KLHL29: variants seen among roughly 807,000 people sequenced by gnomAD.
KLHL29 encodes kelch-like protein 29.
Under a neutral mutation model 80.4 loss-of-function variants are expected in KLHL29, and 21 were observed. That is an observed-to-expected ratio of 0.26 (90% confidence interval 0.19 to 0.38). The LOEUF is 0.38. Among genes scored for constraint, KLHL29 ranks in the 10% least tolerant of loss-of-function variants. The pLI is 1.00. For missense variants in KLHL29, 867 were observed against 1,223.9 expected, an observed-to-expected ratio of 0.71 and a Z score of 4.35; for synonymous variants, 511 against 526.8, an observed-to-expected ratio of 0.97 and a Z score of 0.41.
At chr2:23,396,743 C>T (rs1666461118) in intron 1 of KLHL29, among the ~76,000 whole-genome samples, 1 of 152,170 alleles carries the variant, frequency 6.6e-6, no homozygotes, top group Non-Finnish European at 1.5e-5. Context: ...GCCGAAGCCT[C>T]GATTTGCCAA....
chr2:23,505,234 A>G (rs770854883), intron 2 of KLHL29, among the ~76,000 whole-genome samples: 16 of 152,190 alleles, frequency 1.1e-4, no homozygotes, highest in Non-Finnish European at 2.1e-4. Context: ...AGGAGATCTG[A>G]GAGCCCTGTG....
rs75966166 is a variant in KLHL29, at chr2:23,589,216, A to G, written c.285+26735A>G. Among the ~76,000 whole-genome samples, 206 of 152,396 alleles carry G rather than the reference A, an allele frequency of 1.4e-3. 5 individuals carry two copies. In the East Asian group the frequency reaches 0.036, roughly 27 times the overall value. On this transcript the variant is annotated intron_variant, in intron 3 of 13. Transcript: ENST00000486442. ...CTGGGCTTGTGCCTTGCCTGCAGGAATGGAGAAAGGCCTGGCCTGCCTACA... is the reference window on the plus strand; with the variant it reads ...CTGGGCTTGTGCCTTGCCTGCAGGAGTGGAGAAAGGCCTGGCCTGCCTACA...
intron 3 of KLHL29, among the ~76,000 whole-genome samples, chr2:23,614,594 C>T (rs536970110): frequency 2.6e-5 from 4 of 152,214 alleles, no homozygotes; most frequent in Admixed American, 1.3e-4. Flanking sequence ...TACATAAAAT[C>T]TAGGGAATAT....
chr2:23,592,312 C>T (rs1243655606), intron 3 of KLHL29, among the ~76,000 whole-genome samples: 2 of 152,072 alleles, frequency 1.3e-5, no homozygotes, highest in Non-Finnish European at 2.9e-5. Context: ...TCCTGAGCCC[C>T]TGGTTGCCCA....
At chr2:23,521,792 A>G (rs1244924696) in intron 2 of KLHL29, among the ~76,000 whole-genome samples, 1 of 152,226 alleles carries the variant, frequency 6.6e-6, no homozygotes, top group Admixed American at 6.5e-5. Context: ...GTTGAATTCC[A>G]AAGCCCACAC....
Position 23,639,774 on chromosome 2 carries a change from G to A in KLHL29, c.427+494G>A, listed in dbSNP as rs539887049. On this transcript the variant is annotated intron_variant, in intron 4 of 13. Coordinates refer to ENST00000486442, the MANE Select transcript of KLHL29 (RefSeq NM_052920.2). ...TTTTATCTCCCATTGGCCCCAGAGC[G>A]CCCCCTCAGGATACACAGAACACCT... Among the ~76,000 whole-genome samples the A allele has an allele frequency of 6.2e-4, 95 of 152,034 alleles. 2 individuals are homozygous for A. The Middle Eastern group carries it at 0.017, about 27-fold the overall frequency.
chr2:23,412,869 G>C (rs1438130), intron 1 of KLHL29, among the ~76,000 whole-genome samples: 2 of 151,904 alleles, frequency 1.3e-5, no homozygotes, highest in South Asian at 4.2e-4. Context: ...GTTCAGCAGC[G>C]CAGGCATCCT....
intron 2 of KLHL29, among the ~76,000 whole-genome samples, chr2:23,550,093 G>A (rs570184321): frequency 6.6e-6 from 1 of 152,122 alleles, no homozygotes; most frequent in East Asian, 1.9e-4. Flanking sequence ...GTGCCCTCCT[G>A]AACAGCCCTC....
At chr2:23,464,931 T>C (rs569931682) in intron 1 of KLHL29, among the ~76,000 whole-genome samples, 7 of 152,384 alleles carry the variant, frequency 4.6e-5, no homozygotes, top group Non-Finnish European at 1.0e-4. Flanking sequence ...TCTGAGCATG[T>C]ATCTATGTGC....
chr2:23,586,185 G>A (rs1029766254), intron 3 of KLHL29, among the ~76,000 whole-genome samples: 9 of 152,138 alleles, frequency 5.9e-5, no homozygotes, highest in African/African-American at 1.7e-4. Flanking sequence ...TGTGGTAAGC[G>A]ATACATAAAA....
intron 5 of KLHL29, among the ~76,000 whole-genome samples, chr2:23,673,533 T>TACAC (rs1670829950): frequency 6.7e-6 from 1 of 148,374 alleles, no homozygotes; most frequent in African/African-American, 2.5e-5. Context: ...TATGCATACA[T>TACAC]GAGGGCACAT....
chr2:23,599,667 CAAG>C (rs1385420279), intron 3 of KLHL29, among the ~76,000 whole-genome samples: 8 of 151,974 alleles, frequency 5.3e-5, no homozygotes, highest in South Asian at 2.1e-4. Context: ...AAAGTCAGAA[CAAG>C]AAGAATTATA....
At chr2:23,698,300 G>A (rs11683876) in intron 11 of KLHL29, among the ~76,000 whole-genome samples, 81,599 of 152,112 alleles carry the variant, frequency 0.54, 22,637 homozygotes, top group East Asian at 0.79. Flanking sequence ...TGCAGGGGCA[G>A]GATGCAGGCT....
intron 11 of KLHL29, among the ~76,000 whole-genome samples, chr2:23,699,173 C>T (rs534091554): frequency 3.9e-5 from 6 of 152,344 alleles, no homozygotes; most frequent in Admixed American, 2.6e-4. Context: ...GGCAGAGGCA[C>T]GGGCTCTGGG....
rs1006976830 is a variant in KLHL29 at position 23,487,734 on chromosome 2, A to G, written c.-46+12067A>G. 1.2e-4 allele frequency among the ~76,000 whole-genome samples: 19 copies of G among 152,298 alleles called. No individual in the cohort carries two copies. In the East Asian group the frequency reaches 3.5e-3, roughly 28 times the overall value. On this transcript the variant is annotated intron_variant, in intron 2 of 13. Coordinates refer to ENST00000486442, the MANE Select transcript of KLHL29 (RefSeq NM_052920.2). ...TGCAGACATTGTTGGCCCCTGTATT[A>G]TAACCAGCCTTTCAAGGCCCATAGT...
intron 1 of KLHL29, among the ~76,000 whole-genome samples, chr2:23,396,487 C>A (rs1666454847): frequency 6.6e-6 from 1 of 152,164 alleles, no homozygotes; most frequent in Admixed American, 6.5e-5. Context: ...ATAAGATGAC[C>A]TAGCCCTGGC....
chr2:23,389,889 A>G (rs1572474361), intron 1 of KLHL29, among the ~76,000 whole-genome samples: 1 of 152,204 alleles, frequency 6.6e-6, no homozygotes, highest in African/African-American at 2.4e-5. Flanking sequence ...GTGCTAAAAA[A>G]TTAGGTAGCA....
intron 6 of KLHL29, among the ~76,000 whole-genome samples, chr2:23,688,264 C>T (rs925758830): frequency 2.6e-5 from 4 of 152,324 alleles, no homozygotes; most frequent in East Asian, 3.9e-4. Context: ...GCTGATGACA[C>T]GCCCAGGCGT....
chr2:23,662,147 C>T (rs548889171), intron 5 of KLHL29, among the ~76,000 whole-genome samples: 98 of 152,258 alleles, frequency 6.4e-4, no homozygotes, highest in African/African-American at 2.3e-3. Flanking sequence ...AGGGGGCTCT[C>T]TGGGCTCCTA....
Sources: allele counts gnomAD v4.1 joint callset (sites outside exome capture counted in the v4.1 genomes callset), GRCh38; gene constraint gnomAD v4.1.1; transcripts MANE v1.5; gene names NCBI Gene and HGNC (gene_info 2026-07-23, HGNC 2026-07-21).